DOCK3: variants seen among roughly 807,000 people sequenced by gnomAD.
The protein encoded by DOCK3 is dedicator of cytokinesis 3.
In DOCK3, 60 loss-of-function variants were observed where a neutral mutation model predicts 265.6. The observed-to-expected ratio is 0.23, with a 90% CI of 0.18 to 0.28. The LOEUF is 0.28. Among genes scored for constraint, DOCK3 ranks in the 10% least tolerant of loss-of-function variants. The pLI is 1.00. For synonymous variants in DOCK3, 881 were observed against 938.0 expected (o/e 0.94, Z 1.11); for missense variants, 1,981 against 2,594.3 (o/e 0.76, Z 5.14).
chr3:51,029,402 G>C (rs1004844124), intron 5 of DOCK3, among the ~76,000 whole-genome samples: 2 of 152,166 alleles, frequency 1.3e-5, no homozygotes, highest in African/African-American at 4.8e-5. Context: ...CATGTGCTTG[G>C]CTTTCAGTGG....
chr3:50,992,536 A>T (rs2078144898), intron 5 of DOCK3, among the ~76,000 whole-genome samples: 1 of 152,204 alleles, frequency 6.6e-6, no homozygotes, highest in African/African-American at 2.4e-5. Context: ...ACCTCAGGTG[A>T]TCCGCACGCC....
chr3:51,219,372 C>T (rs998515009), intron 14 of DOCK3, among the ~76,000 whole-genome samples: 1 of 152,088 alleles, frequency 6.6e-6, no homozygotes, highest in Non-Finnish European at 1.5e-5. Context: ...TGTTGCAATA[C>T]TGGGGTGGGG....
At chr3:51,052,850 C>G (rs895496643) in intron 5 of DOCK3, among the ~76,000 whole-genome samples, 1 of 151,780 alleles carries the variant, frequency 6.6e-6, no homozygotes, top group Non-Finnish European at 1.5e-5. Flanking sequence ...TTCTCATCCA[C>G]TCTAGGAATG....
intron 9 of DOCK3, among the ~76,000 whole-genome samples, chr3:51,128,270 G>A (rs1372358459): frequency 1.3e-5 from 2 of 152,152 alleles, no homozygotes; most frequent in African/African-American, 4.8e-5. Flanking sequence ...TGTGAATCCT[G>A]GCTATGAGAG....
At chr3:51,358,530 C>T (rs186264860) in intron 46 of DOCK3, among the ~76,000 whole-genome samples, 2 of 152,290 alleles carry the variant, frequency 1.3e-5, no homozygotes, top group East Asian at 1.9e-4. Context: ...TCCCTCTAAT[C>T]GTTCTCTTTT....
intron 1 of DOCK3, among the ~76,000 whole-genome samples, chr3:50,728,589 T>C (rs537912152): frequency 5.9e-5 from 9 of 152,254 alleles, no homozygotes; most frequent in African/African-American, 1.4e-4. Flanking sequence ...AGGGAAGACA[T>C]GTTTGTAATG....
intron 22 of DOCK3, among the ~76,000 whole-genome samples, chr3:51,255,410 G>A (rs1195014487): frequency 6.6e-6 from 1 of 152,124 alleles, no homozygotes; most frequent in Non-Finnish European, 1.5e-5. Context: ...TTGAATGTTG[G>A]CCTGCCTTGC....
intron 19 of DOCK3, among the ~76,000 whole-genome samples, chr3:51,231,084 T>C (rs2090526900): frequency 6.6e-6 from 1 of 151,922 alleles, no homozygotes; most frequent in Admixed American, 6.6e-5. Flanking sequence ...AGAGTTCCCT[T>C]TTCTCTGCAG....
chr3:50,888,016 T>G (rs1165740985), intron 3 of DOCK3, among the ~76,000 whole-genome samples: 2 of 151,990 alleles, frequency 1.3e-5, no homozygotes, highest in Admixed American at 6.6e-5. Context: ...CCAGGGCAAT[T>G]CGGCAGGAGA....
At chr3:51,099,696 T>C (rs927000254) in intron 9 of DOCK3, among the ~76,000 whole-genome samples, 1 of 152,182 alleles carries the variant, frequency 6.6e-6, no homozygotes, top group African/African-American at 2.4e-5. Flanking sequence ...TCTAGTAATA[T>C]GGCAGTGGAT....
At chr3:50,907,435 T>C (rs970702849) in intron 4 of DOCK3, among the ~76,000 whole-genome samples, 3 of 152,156 alleles carry the variant, frequency 2.0e-5, no homozygotes, top group Non-Finnish European at 4.4e-5. Context: ...ATCTGGTTGC[T>C]CCTGTATTGG....
chr3:50,783,295 C>T (rs1287095945), intron 2 of DOCK3, among the ~76,000 whole-genome samples: 1 of 152,022 alleles, frequency 6.6e-6, no homozygotes, highest in East Asian at 1.9e-4. Context: ...TTCTCATCAG[C>T]AGTATAAAAG....
intron 40 of DOCK3, among the ~76,000 whole-genome samples, chr3:51,353,375 GCTGAGGCGGGTGGATCAC>G (rs1166200480): frequency 6.6e-6 from 1 of 152,080 alleles, no homozygotes; most frequent in Non-Finnish European, 1.5e-5. Flanking sequence ...ACTTGGGAAG[GCTGAGGCGGGTGGATCAC>G]CTGAGGTCAG....
intron 9 of DOCK3, among the ~76,000 whole-genome samples, chr3:51,100,762 G>A (rs2083050155): frequency 6.6e-6 from 1 of 151,636 alleles, no homozygotes; most frequent in African/African-American, 2.4e-5. Flanking sequence ...AGAAAAATTA[G>A]TTACTTCAAC....
intron 2 of DOCK3, among the ~76,000 whole-genome samples, chr3:50,798,207 C>A (rs575612559): frequency 6.6e-6 from 1 of 152,300 alleles, no homozygotes; most frequent in East Asian, 1.9e-4. Context: ...GCAACCAGAT[C>A]TTGAGGCAAG....
In DOCK3 at chr3:50,675,260, G is replaced by T. The variant is rs1191831019; in HGVS notation, c.-4G>T. 6 of 1,223,484 alleles carry T rather than the reference G, an allele frequency of 4.9e-6. No homozygotes were observed. The South Asian group carries it at 1.8e-4, about 37-fold the overall frequency. The allele number at this position is 1,223,484 out of a possible 1,614,324, so 75.8% of individuals were successfully genotyped here. A position where few individuals can be genotyped will look rare whatever the true frequency, so the allele number is the denominator to read the frequency against. ...GCGCCCGCGGGGCCGCGCCCGGCAC[G>T]GCCATGTGGACCCCCACGGAGGAGG... On this transcript the variant is annotated 5_prime_UTR_variant, in exon 1 of 53. Coordinates refer to ENST00000266037, the MANE Select transcript of DOCK3 (RefSeq NM_004947.5). The surrounding 1 kb of genome is among the most constrained non-coding windows in gnomAD (Gnocchi z 6.1).
intron 1 of DOCK3, among the ~76,000 whole-genome samples, chr3:50,679,493 G>T (rs1282270003): frequency 6.6e-6 from 1 of 151,752 alleles, no homozygotes; most frequent in Non-Finnish European, 1.5e-5. Context: ...GGGAAGAAAA[G>T]CACTTAAAAA....
chr3:50,878,471 G>T (rs1163635057), intron 3 of DOCK3, among the ~76,000 whole-genome samples: 1 of 152,080 alleles, frequency 6.6e-6, no homozygotes, highest in Non-Finnish European at 1.5e-5. Context: ...GCACGAGAAC[G>T]ATGTGACGCA....
At chr3:51,102,150 G>A (rs1412200837) in intron 9 of DOCK3, among the ~76,000 whole-genome samples, 1 of 152,202 alleles carries the variant, frequency 6.6e-6, no homozygotes, top group African/African-American at 2.4e-5. Context: ...CAATCATTGA[G>A]GGTCTCTGGA....
Sources: gnomAD v4.1 joint callset for allele counts (sites outside exome capture counted in the v4.1 genomes callset) on GRCh38, gnomAD v4.1.1 for gene constraint, Gnocchi (gnomAD v3.1) non-coding constraint, MANE v1.5 for transcripts, NCBI Gene and HGNC (gene_info 2026-07-23, HGNC 2026-07-21) for gene names.